Variants in ARHGEF10L observed in about 807,000 individuals in gnomAD.
ARHGEF10L encodes rho guanine nucleotide exchange factor 10-like protein.
A neutral mutation model predicts 141.2 loss-of-function variants in ARHGEF10L; 69 were observed. That is an observed-to-expected ratio of 0.49 (90% confidence interval 0.40 to 0.60). The LOEUF is 0.60. Ranked by LOEUF, ARHGEF10L falls within the 20% of genes least tolerant of loss-of-function variation. The pLI, the probability that ARHGEF10L is intolerant of heterozygous loss-of-function variation, is 0.00. For synonymous variants in ARHGEF10L, 711 were observed against 718.5 expected, an observed-to-expected ratio of 0.99 and a Z score of 0.17; for missense variants, 1,482 against 1,734.3, an observed-to-expected ratio of 0.85 and a Z score of 2.58.
chr1:17,616,878 C>G (rs1471987383), intron 9 of ARHGEF10L, among the ~76,000 whole-genome samples: 1 of 152,186 alleles, frequency 6.6e-6, no homozygotes, highest in African/African-American at 2.4e-5. Flanking sequence ...TGGGAAAGTA[C>G]GAGATGTTCC....
the ARHGEF10L span, among the ~76,000 whole-genome samples, chr1:17,520,771 A>T: frequency 1.3e-5 from 2 of 152,118 alleles, no homozygotes; most frequent in Admixed American, 6.5e-5. Context: ...GACTTCCCTC[A>T]CTTCCTTCTT....
chr1:17,631,544 G>A (rs916711035), intron 15 of ARHGEF10L, among the ~76,000 whole-genome samples: 8 of 152,232 alleles, frequency 5.3e-5, no homozygotes, highest in East Asian at 3.9e-4. Flanking sequence ...ACAAGGCCAC[G>A]CCTGCTCCAC....
chr1:17,561,973 CT>C (rs1041616198), intron 1 of ARHGEF10L, among the ~76,000 whole-genome samples: 50 of 152,238 alleles, frequency 3.3e-4, no homozygotes, highest in African/African-American at 1.2e-3. Context: ...GACCTACTCC[CT>C]AGCTATGTGA....
chr1:17,560,504 G>A (rs1244039825), intron 1 of ARHGEF10L, among the ~76,000 whole-genome samples: 1 of 152,214 alleles, frequency 6.6e-6, no homozygotes, highest in African/African-American at 2.4e-5. Flanking sequence ...ACCAGCCCAG[G>A]ACACTTGAGT....
chr1:17,682,737 G>A (rs2064224038), intron 26 of ARHGEF10L, among the ~76,000 whole-genome samples: 1 of 152,062 alleles, frequency 6.6e-6, no homozygotes, highest in Non-Finnish European at 1.5e-5. Context: ...CATTCCTGGT[G>A]GTGGGTGGGC....
intron 1 of ARHGEF10L, among the ~76,000 whole-genome samples, chr1:17,579,006 G>A (rs1350530231): frequency 3.9e-5 from 6 of 152,038 alleles, no homozygotes; most frequent in African/African-American, 1.4e-4. Context: ...ACCAGGGTGG[G>A]AGGTTGACTA....
chr1:17,680,743 CTT>C (rs554689045), intron 26 of ARHGEF10L, among the ~76,000 whole-genome samples: 26 of 129,774 alleles, frequency 2.0e-4, no homozygotes, highest in Middle Eastern at 4.1e-3. Flanking sequence ...CAACTGCCAG[CTT>C]TTTTTTTTTT....
At chr1:17,545,614 A>G (rs542212501) in intron 1 of ARHGEF10L, among the ~76,000 whole-genome samples, 51 of 152,306 alleles carry the variant, frequency 3.3e-4, no homozygotes, top group African/African-American at 1.0e-3. Flanking sequence ...ACCGTGGACA[A>G]ATTAAGTAGC....
rs1018455293 is a variant in ARHGEF10L at position 17,654,309 on chromosome 1, C to A, written c.2395-327C>A. Among the ~76,000 whole-genome samples the A allele has an allele frequency of 1.3e-5, 2 of 152,184 alleles. No homozygotes were observed. The highest frequency in any genetic ancestry group is 4.8e-5 in the African/African-American group (2 of 41,440). ...TAGGGTAGTCACCTGCCCTCTGTGA[C>A]CCTCATTTCCCTGTTTGTAAAATAA... On this transcript the variant is annotated intron_variant, in intron 22 of 28. Transcript: ENST00000361221. This position sits in a 1 kb window ranked among gnomAD's most constrained non-coding sequence, Gnocchi z 4.3.
At chr1:17,685,616 T>C (rs1249780619) in intron 26 of ARHGEF10L, among the ~76,000 whole-genome samples, 2 of 152,264 alleles carry the variant, frequency 1.3e-5, no homozygotes, top group Non-Finnish European at 2.9e-5. Flanking sequence ...CCTCCTGTCC[T>C]GAGAACGTTT....
At chr1:17,534,223 C>T in the ARHGEF10L span, among the ~76,000 whole-genome samples, 56 of 151,290 alleles carry the variant, frequency 3.7e-4, no homozygotes, top group African/African-American at 1.2e-3. Context: ...CCTGGGTTCA[C>T]GCCATTCTCC....
intron 1 of ARHGEF10L, among the ~76,000 whole-genome samples, chr1:17,553,438 G>A (rs1408112245): frequency 4.6e-5 from 7 of 152,082 alleles, no homozygotes; most frequent in African/African-American, 1.7e-4. Context: ...TTGCCTGTGG[G>A]ACTCGAGGAG....
intron 1 of ARHGEF10L, among the ~76,000 whole-genome samples, chr1:17,566,315 G>A (rs2077753882): frequency 6.6e-6 from 1 of 152,206 alleles, no homozygotes; most frequent in African/African-American, 2.4e-5. Context: ...GGCAACCAAA[G>A]TGTCTACTGC....
chr1:17,655,807 C>T (rs1571302778), intron 23 of ARHGEF10L, 72 bp from the exon 24 acceptor site: 1 of 1,382,162 alleles, frequency 7.2e-7, no homozygotes, highest in Non-Finnish European at 9.9e-7. Context: ...CTTGGGAAAG[C>T]AGGGGCTGAG....
chr1:17,545,636 G>A (rs774787646), intron 1 of ARHGEF10L, among the ~76,000 whole-genome samples: 8 of 152,212 alleles, frequency 5.3e-5, no homozygotes, highest in African/African-American at 9.6e-5. Flanking sequence ...TGGGGCTTGT[G>A]GAGTTGTGAT....
At chr1:17,550,764 CAG>C (rs1055568480) in intron 1 of ARHGEF10L, among the ~76,000 whole-genome samples, 4 of 152,028 alleles carry the variant, frequency 2.6e-5, no homozygotes, top group Admixed American at 1.3e-4. Context: ...TGTGACCACC[CAG>C]AGAGACAATT....
At chr1:17,572,641 C>T (rs765813317) in intron 1 of ARHGEF10L, among the ~76,000 whole-genome samples, 53 of 152,318 alleles carry the variant, frequency 3.5e-4, no homozygotes, top group Non-Finnish European at 5.1e-4. Context: ...CCCTCCCCTG[C>T]CTTGGGTATG....
chr1:17,621,432 C>T lies in ARHGEF10L; in HGVS notation c.943-432C>T, dbSNP rs1171719209. On this transcript the variant is annotated intron_variant, in intron 10 of 28. Coordinates refer to ENST00000361221, the MANE Select transcript of ARHGEF10L (RefSeq NM_018125.4). This position sits in a 1 kb window ranked among gnomAD's most constrained non-coding sequence, Gnocchi z 4.1. ...ATTTTTACTAGAGACAGGGTTTCACCATGTTGGCCAGGCTGGTTTCGAACT... is the reference window on the plus strand; with the variant it reads ...ATTTTTACTAGAGACAGGGTTTCACTATGTTGGCCAGGCTGGTTTCGAACT... Among the ~76,000 whole-genome samples the T allele has an allele frequency of 6.6e-6, 1 of 152,144 alleles. No individual in the cohort carries two copies. Among genetic ancestry groups the T allele is most frequent in the Non-Finnish European group, 1.5e-5 (1 of 68,040 alleles).
intron 26 of ARHGEF10L, among the ~76,000 whole-genome samples, chr1:17,670,594 A>G (rs1388969900): frequency 6.6e-6 from 1 of 152,250 alleles, no homozygotes; most frequent in African/African-American, 2.4e-5. Flanking sequence ...ATGGAGGGCC[A>G]GTGCCCTGCA....
Sources: allele counts gnomAD v4.1 joint callset (sites outside exome capture counted in the v4.1 genomes callset), GRCh38; gene constraint gnomAD v4.1.1; non-coding constraint Gnocchi (gnomAD v3.1); transcripts MANE v1.5; gene names NCBI Gene and HGNC (gene_info 2026-07-23, HGNC 2026-07-21).